MOB1B: variants seen among roughly 807,000 people sequenced by gnomAD.
The protein encoded by MOB1B is MOB kinase activator 1B.
A neutral mutation model predicts 24.4 loss-of-function variants in MOB1B; 19 were observed. That is an observed-to-expected ratio of 0.78 (90% CI 0.54 to 1.14). The LOEUF is 1.14. Among genes scored for constraint, MOB1B ranks in the 50% most tolerant of loss-of-function variants. The probability of loss-of-function intolerance (pLI) is 0.00; values close to 1 mark genes in which losing one functional copy is unlikely to be tolerated. For missense variants in MOB1B, 243 were observed against 259.6 expected (o/e 0.94, Z 0.44); for synonymous variants, 76 against 82.1 (o/e 0.93, Z 0.40).
At chr4:70,906,563 A>G (rs1414384528) in intron 1 of MOB1B, among the ~76,000 whole-genome samples, 1 of 152,182 alleles carries the variant, frequency 6.6e-6, no homozygotes, top group Non-Finnish European at 1.5e-5. Context: ...AGAGCAGGGT[A>G]TAGAGATTTT....
At chr4:70,912,291 T>G (rs1016192463) in intron 1 of MOB1B, among the ~76,000 whole-genome samples, 1 of 151,506 alleles carries the variant, frequency 6.6e-6, no homozygotes, top group African/African-American at 2.4e-5. Context: ...AAATTTTTTT[T>G]TTTTTTGAGA....
Position 70,940,301 on chromosome 4 carries a change from C to T in MOB1B, c.15-18573C>T, listed in dbSNP as rs145402645. On this transcript the variant is annotated intron_variant, in intron 1 of 5. Coordinates refer to ENST00000309395, the MANE Select transcript of MOB1B (RefSeq NM_173468.4). ...AGGCCCAGCCCTCTCCAGAGACCCA[C>T]CTTCCTCTGTCTACCCAGCACTTTT... Among the ~76,000 whole-genome samples the T allele has an allele frequency of 7.6e-4, 115 of 152,276 alleles. 1 individual carries two copies. In the East Asian group the frequency reaches 0.02, roughly 27 times the overall value.
intron 1 of MOB1B, among the ~76,000 whole-genome samples, 185 bp downstream of exon 1, chr4:70,902,735 C>G (rs1268035641): frequency 1.3e-5 from 2 of 152,194 alleles, no homozygotes; most frequent in Non-Finnish European, 2.9e-5. Context: ...CCGCCGCCTC[C>G]CCATAGGGCT....
chr4:70,924,241 C>G (rs780754962), intron 1 of MOB1B, among the ~76,000 whole-genome samples: 2 of 152,110 alleles, frequency 1.3e-5, no homozygotes, highest in Non-Finnish European at 2.9e-5. Context: ...TCACATATGC[C>G]TGGTTGCATT....
At chr4:70,951,704 C>T (rs1270187436) in intron 1 of MOB1B, among the ~76,000 whole-genome samples, 1 of 152,194 alleles carries the variant, frequency 6.6e-6, no homozygotes, top group Non-Finnish European at 1.5e-5. Context: ...TCGAGACCAG[C>T]TTGGACAACA....
intron 1 of MOB1B, among the ~76,000 whole-genome samples, chr4:70,945,160 G>A (rs2148887005): frequency 6.6e-6 from 1 of 152,224 alleles, no homozygotes; most frequent in South Asian, 2.1e-4. Context: ...AGATGTGATT[G>A]CACACTACAT....
rs1335381971 is a variant in MOB1B, at chr4:70,986,076, A to C, written c.*4019A>C. On this transcript the variant is annotated 3_prime_UTR_variant, in exon 6 of 6. Coordinates refer to ENST00000309395, the MANE Select transcript of MOB1B (RefSeq NM_173468.4). Reference sequence around the variant, plus strand: ...TTAATTACCTTACCTTAATTACCTTAGTTAGATATACTAATGGAAAAAAAC... The same window carrying C: ...TTAATTACCTTACCTTAATTACCTTCGTTAGATATACTAATGGAAAAAAAC... 1 of 152,208 alleles carries C rather than the reference A, an allele frequency of 6.6e-6. No homozygotes were observed. Among genetic ancestry groups the C allele is most frequent in the Admixed American group, 6.5e-5 (1 of 15,290 alleles). 9.4% of individuals were successfully genotyped at this position (152,208 alleles called of 1,614,324 possible).
At chr4:70,935,129 A>G (rs1391502124) in intron 1 of MOB1B, among the ~76,000 whole-genome samples, 1 of 152,066 alleles carries the variant, frequency 6.6e-6, no homozygotes, top group African/African-American at 2.4e-5. Flanking sequence ...AGGGCTTGCT[A>G]TGTTGCCCAG....
chr4:70,919,755 T>A (rs1736349422), intron 1 of MOB1B, among the ~76,000 whole-genome samples: 1 of 152,226 alleles, frequency 6.6e-6, no homozygotes, highest in Non-Finnish European at 1.5e-5. Flanking sequence ...CGCCTCGGCC[T>A]CCCACAGTGT....
rs1298831350 is a variant in MOB1B at position 70,942,699 on chromosome 4, G to A, written c.15-16175G>A. On this transcript the variant is annotated intron_variant, in intron 1 of 5. Coordinates refer to ENST00000309395, the MANE Select transcript of MOB1B (RefSeq NM_173468.4). Reference sequence around the variant, plus strand: ...CATAGACATTTAAAGAGAAACTGATGTTTTTATGATAACCTCAGGGAAAAG... The same window carrying A: ...CATAGACATTTAAAGAGAAACTGATATTTTTATGATAACCTCAGGGAAAAG... 4.1e-5 allele frequency: 7 copies of A among 172,504 alleles called. No individual in the cohort carries two copies. The Admixed American group carries it at 4.6e-4, about 11-fold the overall frequency. 10.7% of individuals were successfully genotyped at this position (172,504 alleles called of 1,614,324 possible). A position where few individuals can be genotyped will look rare whatever the true frequency, so the allele number is the denominator to read the frequency against.
At chr4:70,953,779 A>C (rs1486612766) in intron 1 of MOB1B, among the ~76,000 whole-genome samples, 1 of 152,160 alleles carries the variant, frequency 6.6e-6, no homozygotes, top group African/African-American at 2.4e-5. Context: ...CCCTGTCTCT[A>C]CTGAAGATAC....
chr4:70,957,249 G>A (rs1213366466), intron 1 of MOB1B, among the ~76,000 whole-genome samples: 1 of 121,212 alleles, frequency 8.3e-6, no homozygotes, highest in Non-Finnish European at 1.6e-5. Context: ...GACAGAGCGA[G>A]ACTATGTCTC....
chr4:70,903,115 C>G (rs1735584852), intron 1 of MOB1B, among the ~76,000 whole-genome samples: 1 of 152,166 alleles, frequency 6.6e-6, no homozygotes, highest in African/African-American at 2.4e-5. Flanking sequence ...GGGTCGGGAT[C>G]CCTTGGACAC....
At chr4:70,967,516 T>G (rs1738583282) in intron 2 of MOB1B, among the ~76,000 whole-genome samples, 2 of 152,236 alleles carry the variant, frequency 1.3e-5, no homozygotes, top group African/African-American at 4.8e-5. Flanking sequence ...AGAATTATTC[T>G]TTTCATTTAT....
At chr4:70,976,756 A>ATATATATATATATATATT (rs1739016816) in intron 4 of MOB1B, 2 of 192,114 alleles carry the variant, frequency 1.0e-5, no homozygotes, top group African/African-American at 6.1e-5. Flanking sequence ...TGAATTACAT[A>ATATATATATATATATATT]TATATATATA....
chr4:70,979,378 A>G, intron 5 of MOB1B, 87 bp downstream of exon 5: 6 of 1,061,736 alleles, frequency 5.7e-6, no homozygotes, highest in Non-Finnish European at 8.3e-6. Context: ...CACTGTCAGG[A>G]TGGAATTTGC....
rs552513941 is a variant in MOB1B, at chr4:70,986,438, T to A, written c.*4381T>A. The A allele has an allele frequency of 5.3e-5, 8 of 152,064 alleles. No homozygotes were observed. The highest frequency in any genetic ancestry group is 3.9e-4 in the Admixed American group (6 of 15,262). 9.4% of individuals were successfully genotyped at this position (152,064 alleles called of 1,614,324 possible). On this transcript the variant is annotated 3_prime_UTR_variant, in exon 6 of 6. Transcript: ENST00000309395. ...TAACCTTTTCATATATTTATAACTT[T>A]TAATGTCTTTTTAAAAGATGTGGGA...
At chr4:70,937,677 A>C (rs1366549133) in intron 1 of MOB1B, among the ~76,000 whole-genome samples, 1 of 151,832 alleles carries the variant, frequency 6.6e-6, no homozygotes, top group Non-Finnish European at 1.5e-5. Context: ...ACACCCAGCT[A>C]ATTTTTTATA....
intron 1 of MOB1B, among the ~76,000 whole-genome samples, chr4:70,919,210 A>G (rs1256578327): frequency 6.6e-6 from 1 of 152,078 alleles, no homozygotes; most frequent in Non-Finnish European, 1.5e-5. Flanking sequence ...CTAATGCTAG[A>G]TGACGAGTTA....
Sources: gnomAD v4.1 joint callset for allele counts (sites outside exome capture counted in the v4.1 genomes callset) on GRCh38, gnomAD v4.1.1 for gene constraint, MANE v1.5 for transcripts, NCBI Gene and HGNC (gene_info 2026-07-23, HGNC 2026-07-21) for gene names.